The following TTC39C variants were observed in gnomAD, a reference collection of about 807,000 sequenced individuals.
The protein encoded by TTC39C is tetratricopeptide repeat protein 39C.
Under a neutral mutation model 76.3 loss-of-function variants are expected in TTC39C, and 33 were observed. That is an observed-to-expected ratio of 0.43 (90% CI 0.33 to 0.58). The LOEUF is 0.58. TTC39C is among the 20% of genes least tolerant of loss of function. TTC39C has a pLI of 0.04. For synonymous variants in TTC39C, 254 were observed against 260.6 expected (o/e 0.97, Z 0.24); for missense variants, 595 against 701.4 (o/e 0.85, Z 1.71).
intron 1 of TTC39C, among the ~76,000 whole-genome samples, chr18:24,052,981 A>G (rs2083971310): frequency 6.6e-6 from 1 of 152,232 alleles, no homozygotes; most frequent in Non-Finnish European, 1.5e-5. Context: ...ATTTTATTTT[A>G]TAATCTGATT....
intron 1 of TTC39C, among the ~76,000 whole-genome samples, chr18:24,002,173 C>T (rs1216685137): frequency 6.6e-6 from 1 of 152,066 alleles, no homozygotes; most frequent in Non-Finnish European, 1.5e-5. Context: ...CCCAGGGTGG[C>T]CAATCAGAGT....
chr18:24,090,520 T>C (rs2084503437), intron 6 of TTC39C, among the ~76,000 whole-genome samples: 1 of 152,172 alleles, frequency 6.6e-6, no homozygotes. Flanking sequence ...GGCAGTACTT[T>C]CCTAATTGAG....
At position 24,049,993 on chromosome 18, in the gene TTC39C, C is replaced by T. The variant is rs372494132; in HGVS notation, c.168-14147C>T. On this transcript the variant is annotated intron_variant, in intron 1 of 13. Transcript: ENST00000317571. ...AATTAAAAGATGGAGGACTCAGGGT[C>T]TGACCGTTTTCCTTGGCCTTCATTT... Among the ~76,000 whole-genome samples, 16 of 152,314 alleles carry T rather than the reference C, an allele frequency of 1.1e-4. No homozygotes were observed. The East Asian group carries it at 2.9e-3, about 28-fold the overall frequency.
chr18:24,065,908 T>C (rs896417408), intron 2 of TTC39C, 104 bp from the exon 3 acceptor site: 22 of 1,206,138 alleles, frequency 1.8e-5, no homozygotes, highest in Non-Finnish European at 2.1e-5. Context: ...TTGCTTGCAA[T>C]AAATAATTTA....
chr18:24,117,646 G>A (rs1443009617), intron 7 of TTC39C, among the ~76,000 whole-genome samples: 1 of 151,216 alleles, frequency 6.6e-6, no homozygotes, highest in Non-Finnish European at 1.5e-5. Flanking sequence ...AGGTTGCAGT[G>A]AGCCGAGATC....
chr18:24,077,459 T>C (rs1487699630), intron 4 of TTC39C, among the ~76,000 whole-genome samples: 1 of 152,082 alleles, frequency 6.6e-6, no homozygotes, highest in East Asian at 1.9e-4. Flanking sequence ...CATCTCAGCG[T>C]TGTTTGTTTT....
At chr18:24,092,265 C>G (rs1345141929) in intron 6 of TTC39C, among the ~76,000 whole-genome samples, 2 of 152,006 alleles carry the variant, frequency 1.3e-5, no homozygotes, top group East Asian at 3.9e-4. Flanking sequence ...GCAAGACAGC[C>G]AATAGCAAGT....
At chr18:24,046,052 T>C (rs542578231) in intron 1 of TTC39C, among the ~76,000 whole-genome samples, 17 of 147,200 alleles carry the variant, frequency 1.2e-4, no homozygotes, top group South Asian at 2.2e-4. Context: ...CATTCTCCTG[T>C]CTCAGCCTCC....
chr18:24,084,434 G>A (rs547077632), intron 6 of TTC39C, among the ~76,000 whole-genome samples: 5 of 152,166 alleles, frequency 3.3e-5, no homozygotes, highest in Admixed American at 2.6e-4. Context: ...GTAGTGAGCC[G>A]AGATTGCGCC....
intron 1 of TTC39C, among the ~76,000 whole-genome samples, chr18:24,003,860 G>T (rs1054999561): frequency 2.0e-5 from 3 of 152,110 alleles, no homozygotes; most frequent in African/African-American, 7.2e-5. Flanking sequence ...TGATCCTCTT[G>T]CCTTAGCTTC....
chr18:24,069,110 G>A (rs377162970), intron 3 of TTC39C, 47 bp from the exon 4 acceptor site: 87 of 1,412,872 alleles, frequency 6.2e-5, no homozygotes, highest in Admixed American at 2.0e-4. Flanking sequence ...GGGAACTGTC[G>A]TTGTTATGTG....
upstream of TTC39C, chr18:24,014,408 T>C (rs2083419774): frequency 6.5e-6 from 1 of 152,734 alleles, no homozygotes. Flanking sequence ...GGTGGGGCGC[T>C]CGGGTCTCCG....
intron 1 of TTC39C, among the ~76,000 whole-genome samples, chr18:23,993,344 T>G (rs2083234585): frequency 2.6e-5 from 4 of 152,160 alleles, no homozygotes; most frequent in Admixed American, 2.6e-4. Flanking sequence ...CCTTGGAGGG[T>G]TGGGTGTAAA....
At chr18:24,054,832 A>G (rs754768242) in intron 1 of TTC39C, among the ~76,000 whole-genome samples, 2 of 152,180 alleles carry the variant, frequency 1.3e-5, no homozygotes, top group African/African-American at 2.4e-5. Context: ...TTTGCAGCCA[A>G]TCTGCAGAAC....
At chr18:24,006,899 T>C (rs2083357609) in intron 1 of TTC39C, among the ~76,000 whole-genome samples, 1 of 152,190 alleles carries the variant, frequency 6.6e-6, no homozygotes, top group South Asian at 2.1e-4. Context: ...GCAGGGGCCT[T>C]GTCATATTTG....
intron 6 of TTC39C, among the ~76,000 whole-genome samples, chr18:24,103,996 A>G (rs948700197): frequency 6.0e-5 from 9 of 149,994 alleles, no homozygotes; most frequent in African/African-American, 2.0e-4. Context: ...CAGTGGTGCC[A>G]TCTCGGCTCA....
intron 6 of TTC39C, among the ~76,000 whole-genome samples, chr18:24,087,382 ATGTG>A (rs2084454268): frequency 6.6e-6 from 1 of 152,146 alleles, no homozygotes; most frequent in Admixed American, 6.6e-5. Context: ...TCTGCTTTGT[ATGTG>A]ACATGTAAGG....
chr18:24,064,125 G>A lies in TTC39C; in HGVS notation c.168-15G>A. The A allele has an allele frequency of 1.3e-6, 2 of 1,599,352 alleles. No homozygotes were observed. The highest frequency in any genetic ancestry group is 2.2e-5 in the East Asian group (1 of 44,700). The stretch of plus-strand genomic sequence containing the variant: ...ATAATTGTATTTTGTGTGTGTGTGT[G>A]TGTTTTTTTAACAGAAATCATAGCC... On this transcript the variant is annotated splice_polypyrimidine_tract_variant and intron_variant, in intron 1 of 13. Coordinates refer to ENST00000317571, the MANE Select transcript of TTC39C (RefSeq NM_001135993.2).
intron 4 of TTC39C, among the ~76,000 whole-genome samples, chr18:24,075,264 C>T (rs1040350578): frequency 2.0e-5 from 3 of 151,344 alleles, no homozygotes; most frequent in Non-Finnish European, 4.4e-5. Flanking sequence ...CAAACCTGCA[C>T]ATTGTGCACA....
Sources: allele counts gnomAD v4.1 joint callset (sites outside exome capture counted in the v4.1 genomes callset), GRCh38; gene constraint gnomAD v4.1.1; transcripts MANE v1.5; gene names NCBI Gene and HGNC (gene_info 2026-07-23, HGNC 2026-07-21).